RAB38: variants seen among roughly 807,000 people sequenced by gnomAD.
RAB38 encodes ras-related protein Rab-38.
In RAB38, 15 loss-of-function variants were observed where a neutral mutation model predicts 18.4. That is an observed-to-expected ratio of 0.82 (90% CI 0.55 to 1.26). The LOEUF (loss-of-function observed/expected upper bound fraction) is 1.26, where lower values mean the gene tolerates loss of function less well. RAB38 is among the 50% of genes most tolerant of loss of function. The probability of loss-of-function intolerance (pLI) is 0.00; values close to 1 mark genes in which losing one functional copy is unlikely to be tolerated. For synonymous variants in RAB38, 101 were observed against 104.4 expected, an observed-to-expected ratio of 0.97 and a Z score of 0.20; for missense variants, 294 against 267.4, an observed-to-expected ratio of 1.10 and a Z score of -0.69.
At chr11:87,962,560 A>G in the RAB38 span, among the ~76,000 whole-genome samples, 1 of 152,154 alleles carries the variant, frequency 6.6e-6, no homozygotes, top group Non-Finnish European at 1.5e-5. Context: ...GAAGTTTGCT[A>G]TAAATTGATA....
chr11:87,808,921 T>TTAAACATGCATGTTAAAAAG, the RAB38 span, among the ~76,000 whole-genome samples: 1 of 152,042 alleles, frequency 6.6e-6, no homozygotes, highest in African/African-American at 2.4e-5. Flanking sequence ...TTTTCATAAA[T>TTAAACATGCATGTTAAAAAG]TAAACATGCA....
the RAB38 span, among the ~76,000 whole-genome samples, chr11:87,870,807 A>C: frequency 1.3e-5 from 2 of 151,550 alleles, no homozygotes. Flanking sequence ...ATCATATGGG[A>C]CTTAGTCTGG....
At chr11:87,955,834 GT>G in the RAB38 span, among the ~76,000 whole-genome samples, 1 of 151,360 alleles carries the variant, frequency 6.6e-6, no homozygotes, top group Non-Finnish European at 1.5e-5. Context: ...TAACTCATTA[GT>G]GAGTGATAAA....
At chr11:87,838,874 T>C in the RAB38 span, among the ~76,000 whole-genome samples, 1 of 152,240 alleles carries the variant, frequency 6.6e-6, no homozygotes, top group Non-Finnish European at 1.5e-5. Flanking sequence ...TGTCATCATC[T>C]TACTTAATGC....
At chr11:87,924,144 T>C in the RAB38 span, among the ~76,000 whole-genome samples, 1 of 152,074 alleles carries the variant, frequency 6.6e-6, no homozygotes, top group Middle Eastern at 3.4e-3. Context: ...GACACTATTT[T>C]CCTTATGTGA....
the RAB38 span, among the ~76,000 whole-genome samples, chr11:87,943,713 C>G: frequency 6.6e-6 from 1 of 152,002 alleles, no homozygotes; most frequent in Non-Finnish European, 1.5e-5. Flanking sequence ...AAAGATGGAG[C>G]AGATATTTTT....
At chr11:87,931,836 T>C in the RAB38 span, among the ~76,000 whole-genome samples, 26 of 151,874 alleles carry the variant, frequency 1.7e-4, no homozygotes, top group African/African-American at 6.0e-4. Flanking sequence ...CAAAATGAGA[T>C]GAATGTGTGT....
chr11:88,036,404 A>G, the RAB38 span, among the ~76,000 whole-genome samples: 1 of 152,180 alleles, frequency 6.6e-6, no homozygotes, highest in Non-Finnish European at 1.5e-5. Context: ...GTATTTAATC[A>G]TTAATGCTAA....
chr11:88,070,193 T>C, the RAB38 span, among the ~76,000 whole-genome samples: 3 of 151,984 alleles, frequency 2.0e-5, no homozygotes, highest in Admixed American at 2.0e-4. Flanking sequence ...CTGAGGCCAG[T>C]GAGACCACAA....
the RAB38 span, among the ~76,000 whole-genome samples, chr11:87,939,523 T>C: frequency 2.6e-5 from 4 of 152,130 alleles, no homozygotes; most frequent in Admixed American, 1.3e-4. Context: ...GCATACTTTG[T>C]CCTTCTCAAA....
the RAB38 span, among the ~76,000 whole-genome samples, chr11:87,846,238 C>G: frequency 2.0e-5 from 3 of 151,984 alleles, no homozygotes; most frequent in Admixed American, 1.3e-4. Flanking sequence ...AGGTCTAGAT[C>G]CAACTATACC....
At chr11:87,973,240 G>A in the RAB38 span, among the ~76,000 whole-genome samples, 24 of 152,106 alleles carry the variant, frequency 1.6e-4, no homozygotes, top group African/African-American at 5.3e-4. Context: ...CTCCACAGAA[G>A]TAAGAGAACA....
At chr11:87,922,362 A>C in the RAB38 span, among the ~76,000 whole-genome samples, 1 of 152,092 alleles carries the variant, frequency 6.6e-6, no homozygotes, top group African/African-American at 2.4e-5. Flanking sequence ...CTACTGGAGC[A>C]GAGTAACTCC....
the RAB38 span, among the ~76,000 whole-genome samples, chr11:88,056,736 G>A: frequency 2.0e-5 from 3 of 152,144 alleles, no homozygotes; most frequent in South Asian, 2.1e-4. Flanking sequence ...CATGGAAGGC[G>A]GAGCTTGCAG....
chr11:87,906,535 C>G, the RAB38 span, among the ~76,000 whole-genome samples: 10,145 of 151,926 alleles, frequency 0.067, 393 homozygotes, highest in South Asian at 0.11. Flanking sequence ...TATTATTATT[C>G]TGAAGTTAAA....
the RAB38 span, among the ~76,000 whole-genome samples, chr11:88,094,379 T>G: frequency 6.6e-6 from 1 of 151,932 alleles, no homozygotes; most frequent in South Asian, 2.1e-4. Flanking sequence ...CCTCATCTTC[T>G]TTAATGATCT....
chr11:88,150,106 C>T (rs1943046847), intron 1 of RAB38, 151 bp from the exon 2 acceptor site: 3 of 830,676 alleles, frequency 3.6e-6, no homozygotes, highest in Non-Finnish European at 5.6e-6. Flanking sequence ...AATATGCAAT[C>T]ATGTAGCTTG....
downstream of RAB38, among the ~76,000 whole-genome samples, chr11:88,110,711 G>A (rs1026830816): frequency 3.3e-5 from 5 of 151,810 alleles, no homozygotes; most frequent in African/African-American, 1.2e-4. Context: ...TAGCTACTCG[G>A]GAGGCTGAGA....
At chr11:87,973,520 G>A in the RAB38 span, among the ~76,000 whole-genome samples, 52 of 152,080 alleles carry the variant, frequency 3.4e-4, 1 homozygote, top group African/African-American at 1.2e-3. Flanking sequence ...CCCTGTCTAC[G>A]GTGCTGGAGA....
Sources: gnomAD v4.1 joint callset for allele counts (sites outside exome capture counted in the v4.1 genomes callset) on GRCh38, gnomAD v4.1.1 for gene constraint, MANE v1.5 for transcripts, NCBI Gene and HGNC (gene_info 2026-07-23, HGNC 2026-07-21) for gene names.